PAK5: variants seen among roughly 807,000 people sequenced by gnomAD.
PAK5 encodes serine/threonine-protein kinase PAK 5.
In PAK5, 16 loss-of-function variants were observed where a neutral mutation model predicts 65.9. The ratio of observed to expected loss-of-function variants is 0.24; its 90% CI spans 0.16 to 0.37. PAK5 has a LOEUF of 0.37. Among genes scored for constraint, PAK5 ranks in the 10% least tolerant of loss-of-function variants. The pLI, the probability that PAK5 is intolerant of heterozygous loss-of-function variation, is 1.00. For synonymous variants in PAK5, 371 were observed against 354.9 expected, an observed-to-expected ratio of 1.05 and a Z score of -0.51; for missense variants, 785 against 903.9, an observed-to-expected ratio of 0.87 and a Z score of 1.69.
At chr20:9,557,355 C>T (rs1192927702) in intron 7 of PAK5, among the ~76,000 whole-genome samples, 1 of 152,106 alleles carries the variant, frequency 6.6e-6, no homozygotes, top group East Asian at 1.9e-4. Flanking sequence ...AAAGAAATAG[C>T]CATAGTTTCT....
chr20:9,540,005 C>T (rs1242317123), intron 9 of PAK5, among the ~76,000 whole-genome samples: 2 of 152,200 alleles, frequency 1.3e-5, no homozygotes, highest in Non-Finnish European at 2.9e-5. Context: ...ACCACACAGG[C>T]TCTGTGGAAC....
chr20:9,587,449 T>C (rs182954951), intron 3 of PAK5, among the ~76,000 whole-genome samples: 60 of 152,294 alleles, frequency 3.9e-4, no homozygotes, highest in Middle Eastern at 6.8e-3. Flanking sequence ...AAAAACGTAA[T>C]GTATGAGTCA....
chr20:9,648,086 G>A (rs1345410796), intron 2 of PAK5, among the ~76,000 whole-genome samples: 1 of 152,174 alleles, frequency 6.6e-6, no homozygotes, highest in Non-Finnish European at 1.5e-5. Context: ...ATTCATGGTA[G>A]CCCTCTGTCA....
chr20:9,649,565 C>T (rs965680016), intron 2 of PAK5, among the ~76,000 whole-genome samples: 1 of 152,224 alleles, frequency 6.6e-6, no homozygotes, highest in Admixed American at 6.5e-5. Flanking sequence ...TTGTCCCTAA[C>T]TTAGTGGGTT....
intron 4 of PAK5, among the ~76,000 whole-genome samples, chr20:9,567,645 A>T: frequency 6.6e-6 from 1 of 152,222 alleles, no homozygotes; most frequent in Non-Finnish European, 1.5e-5. Context: ...TTAATATTTG[A>T]GCAACTATGA....
chr20:9,686,304 G>C (rs547948674), intron 2 of PAK5, among the ~76,000 whole-genome samples: 1 of 152,188 alleles, frequency 6.6e-6, no homozygotes, highest in Non-Finnish European at 1.5e-5. Context: ...AGTGGGTTCA[G>C]TCACTGGGAG....
At chr20:9,595,593 T>C (rs2046250013) in intron 3 of PAK5, among the ~76,000 whole-genome samples, 1 of 152,210 alleles carries the variant, frequency 6.6e-6, no homozygotes, top group African/African-American at 2.4e-5. Context: ...AACAACATTA[T>C]CTTTCCTGTT....
At chr20:9,666,416 C>A (rs1378564384) in intron 2 of PAK5, among the ~76,000 whole-genome samples, 2 of 127,128 alleles carry the variant, frequency 1.6e-5, no homozygotes, top group African/African-American at 3.1e-5. Flanking sequence ...AACAAAAGCA[C>A]AACAACAGCA....
intron 1 of PAK5, among the ~76,000 whole-genome samples, chr20:9,816,934 G>T (rs992044806): frequency 6.6e-6 from 1 of 152,080 alleles, no homozygotes; most frequent in South Asian, 2.1e-4. Flanking sequence ...GCTACTAACT[G>T]CTGAGACCTG....
rs192647635 is a variant in PAK5 at position 9,813,185 on chromosome 20, T to C, written c.-162+25577A>G. 3.9e-4 allele frequency among the ~76,000 whole-genome samples: 59 copies of C among 152,116 alleles called. 1 individual carries two copies. In the East Asian group the frequency reaches 0.01, roughly 27 times the overall value. ...AAAAATTCTAGAAAATCCAAACTAA[T>C]GAACATCACAGAAAACAGAGCAATA... On this transcript the variant is annotated intron_variant, in intron 1 of 9. Transcript: ENST00000353224.
intron 1 of PAK5, among the ~76,000 whole-genome samples, chr20:9,821,936 T>C (rs886504025): frequency 3.9e-5 from 6 of 152,176 alleles, no homozygotes; most frequent in African/African-American, 1.4e-4. Context: ...TTTTTGGGGA[T>C]ATAGAGTTCC....
rs149047949 is a variant in PAK5 at position 9,712,390 on chromosome 20, T to C, written c.-161-955A>G. ...AGGACTACATACAGATTTTATATTC[T>C]TCATGAAAGACCCAGGAAATGAAAG... is the stretch of plus-strand genomic sequence containing the variant. On this transcript the variant is annotated intron_variant, in intron 1 of 9. Coordinates refer to ENST00000353224, the MANE Select transcript of PAK5 (RefSeq NM_177990.4). Among the ~76,000 whole-genome samples the C allele has an allele frequency of 8.8e-4, 134 of 152,286 alleles. 1 individual carries two copies. The highest frequency in any genetic ancestry group is 2.9e-3 in the African/African-American group (119 of 41,572).
At chr20:9,588,259 A>C (rs2046104832) in intron 3 of PAK5, among the ~76,000 whole-genome samples, 1 of 152,258 alleles carries the variant, frequency 6.6e-6, no homozygotes, top group Non-Finnish European at 1.5e-5. Flanking sequence ...AAAATCTAAA[A>C]GCCAACCAAC....
intron 2 of PAK5, among the ~76,000 whole-genome samples, chr20:9,673,615 T>C (rs2123377273): frequency 6.6e-6 from 1 of 152,330 alleles, no homozygotes; most frequent in South Asian, 2.1e-4. Context: ...TATAAATGAT[T>C]CTACTATTAT....
chr20:9,553,364 T>C (rs2122935487), intron 7 of PAK5, among the ~76,000 whole-genome samples: 1 of 152,270 alleles, frequency 6.6e-6, no homozygotes, highest in South Asian at 2.1e-4. Context: ...AAAGTCATTG[T>C]GGTTTTTGCC....
chr20:9,616,567 T>A (rs1471450552), intron 3 of PAK5, among the ~76,000 whole-genome samples: 5 of 152,216 alleles, frequency 3.3e-5, no homozygotes, highest in African/African-American at 4.8e-5. Flanking sequence ...TTCTCATCCT[T>A]CAGGGCTGGG....
chr20:9,735,352 T>A (rs1195284637), intron 1 of PAK5, among the ~76,000 whole-genome samples: 1 of 152,050 alleles, frequency 6.6e-6, no homozygotes, highest in Non-Finnish European at 1.5e-5. Context: ...TTGTACAATG[T>A]CTCCCTCAAG....
At chr20:9,777,724 G>C (rs6039572) in intron 1 of PAK5, among the ~76,000 whole-genome samples, 3,263 of 152,286 alleles carry the variant, frequency 0.021, 108 homozygotes, top group African/African-American at 0.073. Flanking sequence ...ATATTAGCTA[G>C]AAAGGAGAAC....
chr20:9,686,389 A>G (rs2047719508), intron 2 of PAK5, among the ~76,000 whole-genome samples: 1 of 152,032 alleles, frequency 6.6e-6, no homozygotes, highest in Admixed American at 6.6e-5. Context: ...CCTGTTTGGT[A>G]TCTTTTTTGT....
Sources: gnomAD v4.1 joint callset for allele counts (sites outside exome capture counted in the v4.1 genomes callset) on GRCh38, gnomAD v4.1.1 for gene constraint, MANE v1.5 for transcripts, NCBI Gene and HGNC (gene_info 2026-07-23, HGNC 2026-07-21) for gene names.